Variants in HGSNAT observed in about 807,000 individuals in gnomAD.
HGSNAT encodes transmembrane protein 76.
Under a neutral mutation model 85.2 loss-of-function variants are expected in HGSNAT, and 59 were observed. That is an observed-to-expected ratio of 0.69 (90% CI 0.56 to 0.86). HGSNAT has a LOEUF of 0.86. Ranked by LOEUF, HGSNAT falls within the 40% of genes least tolerant of loss-of-function variation. HGSNAT has a pLI of 0.00. For synonymous variants in HGSNAT, 321 were observed against 304.5 expected, an observed-to-expected ratio of 1.05 and a Z score of -0.56; for missense variants, 756 against 777.1, an observed-to-expected ratio of 0.97 and a Z score of 0.32.
intron 5 of HGSNAT, among the ~76,000 whole-genome samples, chr8:43,163,983 T>TA (rs1442730703): frequency 1.3e-5 from 2 of 152,210 alleles, no homozygotes; most frequent in Admixed American, 1.3e-4. Context: ...CACTGAACTA[T>TA]AAAAACATGT....
intron 8 of HGSNAT, among the ~76,000 whole-genome samples, chr8:43,172,642 G>A (rs959202881): frequency 6.6e-6 from 1 of 152,180 alleles, no homozygotes; most frequent in South Asian, 2.1e-4. Flanking sequence ...TCTGCTGTGG[G>A]ACTGAGGGAC....
At chr8:43,199,305 G>T in intron 17 of HGSNAT, 83 bp from the exon 18 acceptor site, 1 of 1,003,574 alleles carries the variant, frequency 1.0e-6, no homozygotes, top group South Asian at 1.7e-5. Flanking sequence ...TTTTTTCATT[G>T]AACTGGTTTC....
intron 11 of HGSNAT, among the ~76,000 whole-genome samples, chr8:43,189,028 G>T (rs978501361): frequency 6.6e-6 from 1 of 152,186 alleles, no homozygotes; most frequent in African/African-American, 2.4e-5. Context: ...GCTGTATGGG[G>T]TGTCAGTCGG....
In HGSNAT at chr8:43,202,372, G is replaced by T. The variant is rs572712718; in HGVS notation, c.*2803G>T. The T allele has an allele frequency of 6.6e-6, 1 of 152,322 alleles. No individual in the cohort carries two copies. The highest frequency in any genetic ancestry group is 2.4e-5 in the African/African-American group (1 of 41,462). The allele number at this position is 152,322 out of a possible 1,614,324, so 9.4% of individuals were successfully genotyped here. Reference sequence around the variant, plus strand: ...CAGGGACAGGGAACTGTCCGAGCCCGTGGCTGTGTGGAGGAAGGCGACCCC... The same window carrying T: ...CAGGGACAGGGAACTGTCCGAGCCCTTGGCTGTGTGGAGGAAGGCGACCCC... On this transcript the variant is annotated 3_prime_UTR_variant, in exon 18 of 18. Coordinates refer to ENST00000379644, the MANE Select transcript of HGSNAT (RefSeq NM_152419.3).
intron 2 of HGSNAT, among the ~76,000 whole-genome samples, chr8:43,147,673 C>A (rs1041571518): frequency 2.6e-5 from 4 of 152,162 alleles, no homozygotes; most frequent in African/African-American, 9.7e-5. Context: ...ACTGCATGTT[C>A]TCACTTCTAA....
intron 9 of HGSNAT, among the ~76,000 whole-genome samples, chr8:43,175,557 CT>C (rs572939859): frequency 0.012 from 734 of 63,182 alleles, 3 homozygotes; most frequent in African/African-American, 0.038. Context: ...CTTTTGTCCT[CT>C]TTTTTTTTTT....
chr8:43,177,679 G>A (rs1417334804), intron 9 of HGSNAT, among the ~76,000 whole-genome samples: 2 of 152,070 alleles, frequency 1.3e-5, no homozygotes, highest in African/African-American at 4.8e-5. Context: ...TTTCTTTCAG[G>A]TGCAGAAGGG....
At chr8:43,140,646 G>GGCTACGAGCGCAGCGTCTCC in intron 1 of HGSNAT, 32 bp downstream of exon 1, 3 of 1,096,858 alleles carry the variant, frequency 2.7e-6, no homozygotes, top group East Asian at 4.1e-5. Context: ...CCGCCCGGCC[G>GGCTACGAGCGCAGCGTCTCC]GCTACGAGCG....
intron 5 of HGSNAT, 100 bp from the exon 6 acceptor site, chr8:43,169,073 T>C (rs1038109591): frequency 6.1e-5 from 36 of 594,496 alleles, no homozygotes; most frequent in Middle Eastern, 4.5e-4. Flanking sequence ...TACTTAGTAA[T>C]ATAGAATATG....
chr8:43,194,499 C>T (rs544880379), intron 14 of HGSNAT: 6 of 985,388 alleles, frequency 6.1e-6, no homozygotes, highest in Admixed American at 1.2e-4. Context: ...TTCATGTACA[C>T]TCATATTAGT....
chr8:43,153,400 G>A (rs920489041), intron 2 of HGSNAT, among the ~76,000 whole-genome samples: 4 of 151,854 alleles, frequency 2.6e-5, no homozygotes, highest in African/African-American at 9.7e-5. Context: ...ATATTTATGG[G>A]GTACAGTATC....
At chr8:43,173,637 A>G in intron 8 of HGSNAT, 76 bp from the exon 9 acceptor site, 2 of 1,476,096 alleles carry the variant, frequency 1.4e-6, no homozygotes, top group Non-Finnish European at 1.9e-6. Flanking sequence ...ACCAGTGTGT[A>G]ATGAAGTCCA....
intron 5 of HGSNAT, among the ~76,000 whole-genome samples, chr8:43,165,956 G>A (rs1395923335): frequency 6.6e-6 from 1 of 152,090 alleles, no homozygotes; most frequent in Admixed American, 6.5e-5. Context: ...AAAAGAAAAA[G>A]AAGAAAATGA....
At chr8:43,140,658 A>AGCGTC (rs1802487798) in intron 1 of HGSNAT, 44 bp downstream of exon 1, 2 of 1,010,976 alleles carry the variant, frequency 2.0e-6, no homozygotes, top group Admixed American at 4.4e-5. Flanking sequence ...CTACGAGCGC[A>AGCGTC]GCGTCTCCTC....
intron 2 of HGSNAT, among the ~76,000 whole-genome samples, chr8:43,151,313 T>C (rs1737578943): frequency 6.6e-6 from 1 of 152,200 alleles, no homozygotes; most frequent in African/African-American, 2.4e-5. Flanking sequence ...TGTGTTACTT[T>C]GGGTATGGTT....
rs373822575 is a variant in HGSNAT at position 43,201,541 on chromosome 8, G to T, written c.*1972G>T. 1 of 152,190 alleles carries T rather than the reference G, an allele frequency of 6.6e-6. No homozygotes were observed. The highest frequency in any genetic ancestry group is 6.5e-5 in the Admixed American group (1 of 15,276). 9.4% of individuals were successfully genotyped at this position (152,190 alleles called of 1,614,324 possible). ...TTCCTATCTACATTTGATCTGTCAT[G>T]TTTAAACCCCCTACTTCTAAGGGAA... On this transcript the variant is annotated 3_prime_UTR_variant, in exon 18 of 18. Transcript: ENST00000379644. This position sits in a 1 kb window ranked among gnomAD's most constrained non-coding sequence, Gnocchi z 4.4.
intron 10 of HGSNAT, 104 bp downstream of exon 10, chr8:43,178,338 T>G: frequency 1.3e-6 from 1 of 793,162 alleles, no homozygotes; most frequent in Admixed American, 2.8e-5. Context: ...TGCCTGCAAA[T>G]AGAATAATCA....
At position 43,191,601 on chromosome 8, in the gene HGSNAT, C is replaced by T. The variant is rs762012939; in HGVS notation, c.1250+6C>T. ...CCAGTCCCTGGGTGCCCTACGTAAG[C>T]GAACCCCTGGGGGTCATCCCTTGTG... is the stretch of plus-strand genomic sequence containing the variant. On this transcript the variant is annotated splice_donor_region_variant and intron_variant, in intron 12 of 17. Transcript: ENST00000379644. 102 of 1,613,504 alleles carry T rather than the reference C, an allele frequency of 6.3e-5. No homozygotes were observed. Among genetic ancestry groups the T allele is most frequent in the Non-Finnish European group, 7.8e-5 (92 of 1,179,686 alleles).
At chr8:43,160,942 T>C (rs1803247995) in intron 4 of HGSNAT, among the ~76,000 whole-genome samples, 1 of 152,200 alleles carries the variant, frequency 6.6e-6, no homozygotes, top group African/African-American at 2.4e-5. Flanking sequence ...TGTTTTCTCA[T>C]GAATAGGTAG....
Sources: allele counts gnomAD v4.1 joint callset (sites outside exome capture counted in the v4.1 genomes callset), GRCh38; gene constraint gnomAD v4.1.1; non-coding constraint Gnocchi (gnomAD v3.1); transcripts MANE v1.5; gene names NCBI Gene and HGNC (gene_info 2026-07-23, HGNC 2026-07-21).